Variants in ERBB4 observed in about 807,000 individuals in gnomAD.
ERBB4 encodes receptor tyrosine-protein kinase erbB-4.
In ERBB4, 42 loss-of-function variants were observed where a neutral mutation model predicts 158.0. The ratio of observed to expected loss-of-function variants is 0.27; its 90% CI spans 0.21 to 0.34. ERBB4 has a LOEUF of 0.34. Ranked by LOEUF, ERBB4 falls within the 10% of genes least tolerant of loss-of-function variation. The probability of loss-of-function intolerance (pLI) is 1.00; values close to 1 mark genes in which losing one functional copy is unlikely to be tolerated. For synonymous variants in ERBB4, 583 were observed against 558.7 expected (o/e 1.04, Z -0.61); for missense variants, 1,333 against 1,624.1 (o/e 0.82, Z 3.08).
intron 2 of ERBB4, among the ~76,000 whole-genome samples, chr2:212,001,059 G>A (rs1337688660): frequency 6.6e-6 from 1 of 151,804 alleles, no homozygotes; most frequent in East Asian, 1.9e-4. Context: ...TATGAAATAT[G>A]GTTTCCCAAC....
intron 1 of ERBB4, 109 bp from the exon 2 acceptor site, chr2:212,125,012 G>C (rs1163887476): frequency 1.5e-6 from 2 of 1,312,540 alleles, no homozygotes; most frequent in African/African-American, 1.4e-5. Flanking sequence ...CCAGTTCTCT[G>C]AATATAAATA....
chr2:211,673,525 A>AAAAAAAAAAAAAAAAAAAAAAAAAAAAC (rs1559403969), intron 13 of ERBB4, among the ~76,000 whole-genome samples: 1 of 149,318 alleles, frequency 6.7e-6, no homozygotes, highest in African/African-American at 2.4e-5. Context: ...CTCAAAAAAA[A>AAAAAAAAAAAAAAAAAAAAAAAAAAAAC]AAAAAGCTAC....
chr2:211,804,070 C>T (rs2076559057), intron 3 of ERBB4, among the ~76,000 whole-genome samples: 1 of 152,140 alleles, frequency 6.6e-6, no homozygotes, highest in South Asian at 2.1e-4. Context: ...CATGTCACCC[C>T]AGAATATCAC....
chr2:212,223,500 T>C (rs2083374419), intron 1 of ERBB4, among the ~76,000 whole-genome samples: 1 of 150,350 alleles, frequency 6.7e-6, no homozygotes. Flanking sequence ...ACTCTCTATC[T>C]TGTTCAGCCA....
intron 25 of ERBB4, among the ~76,000 whole-genome samples, chr2:211,394,200 G>A (rs2062864155): frequency 1.3e-5 from 2 of 152,112 alleles, no homozygotes; most frequent in South Asian, 4.1e-4. Flanking sequence ...ATCAAAGAAT[G>A]TTATTAGCAC....
intron 21 of ERBB4, 52 bp from the exon 22 acceptor site, chr2:211,428,535 C>T: frequency 1.0e-6 from 1 of 981,132 alleles, no homozygotes; most frequent in Non-Finnish European, 1.6e-6. Context: ...AAATTCATTT[C>T]TATATGTATT....
chr2:212,407,919 T>G (rs777440905), intron 1 of ERBB4, among the ~76,000 whole-genome samples: 1 of 151,978 alleles, frequency 6.6e-6, no homozygotes, highest in Admixed American at 6.6e-5. Context: ...TAGTAAAAAT[T>G]TGAAAATTTA....
chr2:212,524,455 T>C (rs1327379691), intron 1 of ERBB4, among the ~76,000 whole-genome samples: 1 of 151,984 alleles, frequency 6.6e-6, no homozygotes, highest in East Asian at 1.9e-4. Context: ...AGTCATCATA[T>C]ATTCAAACTA....
chr2:211,469,732 T>C (rs2064785127), intron 20 of ERBB4, among the ~76,000 whole-genome samples: 1 of 152,196 alleles, frequency 6.6e-6, no homozygotes, highest in South Asian at 2.1e-4. Context: ...ATCTTAGTCA[T>C]ATAAAATCTT....
At chr2:211,792,080 TTTAA>T (rs1191213025) in intron 3 of ERBB4, among the ~76,000 whole-genome samples, 1 of 151,732 alleles carries the variant, frequency 6.6e-6, no homozygotes, top group East Asian at 1.9e-4. Flanking sequence ...AATTGTTAGA[TTTAA>T]TTGTGTATGG....
intron 20 of ERBB4, among the ~76,000 whole-genome samples, chr2:211,540,925 T>G (rs1240239655): frequency 6.6e-6 from 1 of 152,004 alleles, no homozygotes; most frequent in East Asian, 1.9e-4. Flanking sequence ...ATACAGTATG[T>G]TGTTGTGCTT....
At chr2:212,466,727 G>A (rs1198595508) in intron 1 of ERBB4, among the ~76,000 whole-genome samples, 4 of 152,188 alleles carry the variant, frequency 2.6e-5, no homozygotes, top group Non-Finnish European at 4.4e-5. Context: ...ATTGGTACCA[G>A]TAGAGTGGGG....
chr2:212,098,193 C>G (rs1213091904), intron 2 of ERBB4, among the ~76,000 whole-genome samples: 2 of 152,088 alleles, frequency 1.3e-5, no homozygotes, highest in Non-Finnish European at 2.9e-5. Context: ...CTCCAAGGGC[C>G]CCTTTCAAAA....
chr2:212,437,680 C>T (rs748587579), intron 1 of ERBB4, among the ~76,000 whole-genome samples: 2 of 152,044 alleles, frequency 1.3e-5, no homozygotes, highest in African/African-American at 4.8e-5. Flanking sequence ...ATTGGGTTAA[C>T]ATCTACCACC....
At chr2:212,003,144 GGAAGGAAA>G (rs1197126602) in intron 2 of ERBB4, among the ~76,000 whole-genome samples, 28 of 12,586 alleles carry the variant, frequency 2.2e-3, no homozygotes, top group African/African-American at 5.3e-3. Flanking sequence ...AAGGAAGGAA[GGAAGGAAA>G]GAAAGAAAGA....
chr2:211,735,346 T>C (rs1478492050), intron 5 of ERBB4, among the ~76,000 whole-genome samples: 1 of 152,218 alleles, frequency 6.6e-6, no homozygotes, highest in Non-Finnish European at 1.5e-5. Context: ...TAAGTTATTA[T>C]CAAAGTGGAG....
At position 212,296,105 on chromosome 2, in the gene ERBB4, G is replaced by A. The variant is rs187324774; in HGVS notation, c.83-171202C>T. On this transcript the variant is annotated intron_variant, in intron 1 of 27. Transcript: ENST00000342788. ...CAACTCAATCAATATGTAATTCATT[G>A]AGCATTCGATAGGTGAAGCAGCACT... 1.8e-4 allele frequency among the ~76,000 whole-genome samples: 27 copies of A among 151,984 alleles called. No homozygotes were observed. In the East Asian group the frequency reaches 5.1e-3, roughly 29 times the overall value.
chr2:212,484,848 G>A (rs113696025), intron 1 of ERBB4, among the ~76,000 whole-genome samples: 1,741 of 152,118 alleles, frequency 0.011, 14 homozygotes, highest in Middle Eastern at 0.037. Flanking sequence ...TCTTTCACAT[G>A]CTGCCCCTGC....
chr2:211,624,937 G>C (rs568527741), intron 17 of ERBB4, among the ~76,000 whole-genome samples: 4 of 152,006 alleles, frequency 2.6e-5, no homozygotes, highest in Non-Finnish European at 5.9e-5. Context: ...TAATCACAGG[G>C]GGGGCTGGGT....
Sources: gnomAD v4.1 joint callset for allele counts (sites outside exome capture counted in the v4.1 genomes callset) on GRCh38, gnomAD v4.1.1 for gene constraint, MANE v1.5 for transcripts, NCBI Gene and HGNC (gene_info 2026-07-23, HGNC 2026-07-21) for gene names.